SEMA5A: variants seen among roughly 807,000 people sequenced by gnomAD.
The protein encoded by SEMA5A is semaphorin 5A, also known as semaphorin-5A.
In SEMA5A, 55 loss-of-function variants were observed where a neutral mutation model predicts 135.5. The ratio of observed to expected loss-of-function variants is 0.41; its 90% CI spans 0.33 to 0.51. The LOEUF (loss-of-function observed/expected upper bound fraction) is 0.51. Among genes scored for constraint, SEMA5A ranks in the 20% least tolerant of loss-of-function variants. The probability of loss-of-function intolerance (pLI) is 0.37; values close to 1 mark genes in which losing one functional copy is unlikely to be tolerated. For synonymous variants in SEMA5A, 580 were observed against 546.5 expected (o/e 1.06, Z -0.85); for missense variants, 1,290 against 1,419.9 (o/e 0.91, Z 1.47).
Position 9,154,491 on chromosome 5 carries a change from C to T in SEMA5A, c.1478G>A (p.Arg493His), listed in dbSNP as rs752770800. The T allele has an allele frequency of 3.2e-5, 52 of 1,611,798 alleles. No homozygotes were observed. The highest frequency in any genetic ancestry group is 2.5e-4 in the East Asian group (11 of 44,798). Residue 493 changes from arginine (R) to histidine (H), a missense_variant, in exon 12 of 23, where the codon CGC becomes CAC. Coordinates refer to ENST00000382496, the MANE Select transcript of SEMA5A (RefSeq NM_003966.3). ...PLKRCQFYRT[R>H]STCIGAQDPY... is the part of the protein sequence containing the mutation. ...CCTGACCCCGGAGATGCCCTACCTG[C>T]GTGTGCGGTAGAACTGGCACCTCTT...
chr5:9,493,199 C>T (rs1735120450), intron 1 of SEMA5A, among the ~76,000 whole-genome samples: 1 of 151,380 alleles, frequency 6.6e-6, no homozygotes, highest in Non-Finnish European at 1.5e-5. Flanking sequence ...CCTAACAGTT[C>T]ATAAATATAT....
chr5:9,057,495 C>T (rs892983129), intron 18 of SEMA5A, among the ~76,000 whole-genome samples: 2 of 152,232 alleles, frequency 1.3e-5, no homozygotes, highest in Non-Finnish European at 2.9e-5. Flanking sequence ...TCCTCTCTCA[C>T]ACATACACCA....
rs1207448326 is a variant in SEMA5A, at chr5:9,204,157, C to A, written c.647-1917G>T. Among the ~76,000 whole-genome samples the A allele has an allele frequency of 1.3e-5, 2 of 152,066 alleles. No individual in the cohort carries two copies. The highest frequency in any genetic ancestry group is 1.3e-4 in the Admixed American group (2 of 15,274). On this transcript the variant is annotated intron_variant, in intron 8 of 22. Coordinates refer to ENST00000382496, the MANE Select transcript of SEMA5A (RefSeq NM_003966.3). This position sits in a 1 kb window ranked among gnomAD's most constrained non-coding sequence, Gnocchi z 6.4. ...TTTTGGAATGGGTCCTGCACCCTGGCTAAACAAAACTAGAGTTTGGGAATT... is the reference window on the plus strand; with the variant it reads ...TTTTGGAATGGGTCCTGCACCCTGGATAAACAAAACTAGAGTTTGGGAATT...
chr5:9,540,432 T>TA (rs1738019265), intron 1 of SEMA5A, among the ~76,000 whole-genome samples: 1 of 146,258 alleles, frequency 6.8e-6, no homozygotes, highest in Non-Finnish European at 1.5e-5. Context: ...TACTAAAAAT[T>TA]CAAAAAAAAA....
At chr5:9,125,010 C>T (rs1223649258) in intron 13 of SEMA5A, among the ~76,000 whole-genome samples, 3 of 152,186 alleles carry the variant, frequency 2.0e-5, no homozygotes, top group African/African-American at 4.8e-5. Context: ...ACAAACTATA[C>T]CCATACTTCG....
intron 16 of SEMA5A, among the ~76,000 whole-genome samples, chr5:9,096,645 C>A (rs1358383380): frequency 1.3e-5 from 2 of 150,598 alleles, no homozygotes; most frequent in African/African-American, 4.9e-5. Context: ...TAAGCTGTTT[C>A]CAAATGAAAT....
chr5:9,511,260 T>C (rs1321263703), intron 1 of SEMA5A: 4 of 152,206 alleles, frequency 2.6e-5, no homozygotes, highest in Non-Finnish European at 5.9e-5. Flanking sequence ...AGAGATTTTG[T>C]GATGTCATAA....
intron 3 of SEMA5A, among the ~76,000 whole-genome samples, chr5:9,361,890 G>C (rs1754712247): frequency 6.6e-6 from 1 of 152,102 alleles, no homozygotes; most frequent in Non-Finnish European, 1.5e-5. Context: ...GTGTTTACAA[G>C]AGCCCCAAAT....
At chr5:9,429,067 G>C (rs187402162) in intron 2 of SEMA5A, among the ~76,000 whole-genome samples, 3 of 152,342 alleles carry the variant, frequency 2.0e-5, no homozygotes, top group Admixed American at 2.0e-4. Context: ...GGGACACAGA[G>C]GGGGTGTGAC....
At chr5:9,251,939 C>T (rs766471803) in intron 5 of SEMA5A, among the ~76,000 whole-genome samples, 1 of 152,158 alleles carries the variant, frequency 6.6e-6, no homozygotes, top group Non-Finnish European at 1.5e-5. Flanking sequence ...AGCTTAACAA[C>T]TTGCCAAAGA....
chr5:9,171,175 C>CT (rs898198689), intron 11 of SEMA5A, among the ~76,000 whole-genome samples: 5 of 151,996 alleles, frequency 3.3e-5, no homozygotes, highest in African/African-American at 7.3e-5. Flanking sequence ...CAATTCTGTC[C>CT]TTTTTTTTCT....
At chr5:9,500,213 A>C (rs1048086519) in intron 1 of SEMA5A, among the ~76,000 whole-genome samples, 4 of 152,324 alleles carry the variant, frequency 2.6e-5, no homozygotes, top group South Asian at 4.1e-4. Context: ...ATTAATCCTC[A>C]GCTCATTTTA....
chr5:9,374,875 T>G (rs1755297959), intron 3 of SEMA5A, among the ~76,000 whole-genome samples: 1 of 151,670 alleles, frequency 6.6e-6, no homozygotes, highest in Non-Finnish European at 1.5e-5. Context: ...TGGAGTTGGC[T>G]TCCTATAACT....
intron 5 of SEMA5A, among the ~76,000 whole-genome samples, chr5:9,242,638 C>T (rs1478594309): frequency 6.6e-6 from 1 of 152,134 alleles, no homozygotes; most frequent in Non-Finnish European, 1.5e-5. Flanking sequence ...CGGGGCAAGG[C>T]ATAAAAGACA....
intron 5 of SEMA5A, among the ~76,000 whole-genome samples, chr5:9,312,749 CA>C (rs940250838): frequency 6.6e-6 from 1 of 151,936 alleles, no homozygotes; most frequent in African/African-American, 2.4e-5. Flanking sequence ...TTTTTTTTGG[CA>C]AAAGGGAAGA....
chr5:9,300,637 G>C (rs1265400517), intron 5 of SEMA5A, among the ~76,000 whole-genome samples: 1 of 152,178 alleles, frequency 6.6e-6, no homozygotes, highest in Non-Finnish European at 1.5e-5. Flanking sequence ...TTTGGAACCT[G>C]TAATGGTAAC....
At chr5:9,211,586 C>G (rs1488323519) in intron 8 of SEMA5A, among the ~76,000 whole-genome samples, 1 of 152,152 alleles carries the variant, frequency 6.6e-6, no homozygotes, top group Non-Finnish European at 1.5e-5. Flanking sequence ...TAGCTGTGCT[C>G]AGGCTGTTCA....
intron 1 of SEMA5A, among the ~76,000 whole-genome samples, chr5:9,460,062 A>G (rs1464062327): frequency 6.6e-6 from 1 of 152,230 alleles, no homozygotes; most frequent in African/African-American, 2.4e-5. Flanking sequence ...CAGCTTTTAA[A>G]TTGACCTACA....
intron 5 of SEMA5A, among the ~76,000 whole-genome samples, chr5:9,309,190 G>C (rs1044356646): frequency 2.0e-5 from 3 of 152,118 alleles, no homozygotes; most frequent in African/African-American, 7.2e-5. Flanking sequence ...GTAAAGAGAG[G>C]TTAAGTGGCT....
Sources: allele counts gnomAD v4.1 joint callset (sites outside exome capture counted in the v4.1 genomes callset), GRCh38; gene constraint gnomAD v4.1.1; non-coding constraint Gnocchi (gnomAD v3.1); transcripts MANE v1.5; gene names NCBI Gene and HGNC (gene_info 2026-07-23, HGNC 2026-07-21).